Variants in NDUFAF2 observed in about 807,000 individuals in gnomAD.
NDUFAF2 encodes the protein NADH dehydrogenase [ubiquinone] 1 alpha subcomplex assembly factor 2.
Under a neutral mutation model 22.8 loss-of-function variants are expected in NDUFAF2, and 13 were observed. That is an observed-to-expected ratio of 0.57 (90% CI 0.37 to 0.91). NDUFAF2 has a LOEUF of 0.91. NDUFAF2 is among the 40% of genes least tolerant of loss of function. The pLI, the probability that NDUFAF2 is intolerant of heterozygous loss-of-function variation, is 0.01. For synonymous variants in NDUFAF2, 53 were observed against 64.2 expected (o/e 0.83, Z 0.84); for missense variants, 162 against 195.2 (o/e 0.83, Z 1.01).
chr5:61,079,370 C>T (rs758685152), intron 2 of NDUFAF2, among the ~76,000 whole-genome samples: 5 of 152,134 alleles, frequency 3.3e-5, no homozygotes, highest in Non-Finnish European at 4.4e-5. Context: ...TATGTTATAT[C>T]CATGTTCTGC....
chr5:61,043,673 GTA>G (rs1227670515), intron 1 of NDUFAF2, among the ~76,000 whole-genome samples: 17 of 141,974 alleles, frequency 1.2e-4, no homozygotes, highest in African/African-American at 5.7e-5. Context: ...TTTGAAAGCT[GTA>G]TATATGTGTG....
intron 3 of NDUFAF2, among the ~76,000 whole-genome samples, chr5:61,107,044 TATACACACACACAC>T (rs1197947863): frequency 3.1e-5 from 2 of 64,802 alleles, no homozygotes; most frequent in East Asian, 7.1e-4. Context: ...TTTGGATAAA[TATACACACACACAC>T]ACACACACAC....
At chr5:61,088,327 C>T (rs1752528735) in intron 2 of NDUFAF2, among the ~76,000 whole-genome samples, 1 of 152,030 alleles carries the variant, frequency 6.6e-6, no homozygotes, top group Non-Finnish European at 1.5e-5. Flanking sequence ...AATTAGAATT[C>T]ATGGGTCCTA....
chr5:60,982,927 G>A (rs1751007501), intron 1 of NDUFAF2, among the ~76,000 whole-genome samples: 3 of 152,072 alleles, frequency 2.0e-5, no homozygotes, highest in Middle Eastern at 3.4e-3. Flanking sequence ...TAATGGGATG[G>A]CTGGGTCAAA....
chr5:60,956,270 T>C (rs1161624549), intron 1 of NDUFAF2, among the ~76,000 whole-genome samples: 3 of 152,170 alleles, frequency 2.0e-5, no homozygotes, highest in Non-Finnish European at 2.9e-5. Flanking sequence ...TTTTTGTGTG[T>C]GGAATCTTTG....
intron 1 of NDUFAF2, among the ~76,000 whole-genome samples, chr5:60,957,947 C>T (rs1475628160): frequency 2.0e-5 from 3 of 152,164 alleles, no homozygotes; most frequent in Non-Finnish European, 4.4e-5. Flanking sequence ...CCTGTAGTAG[C>T]ACTAGTGGCA....
chr5:61,111,539 C>A (rs1406138569), intron 3 of NDUFAF2, among the ~76,000 whole-genome samples: 1 of 152,090 alleles, frequency 6.6e-6, no homozygotes, highest in African/African-American at 2.4e-5. Context: ...TAGGCTTAAG[C>A]GATCCTCCCA....
chr5:61,126,194 G>T (rs1464988687), intron 3 of NDUFAF2, among the ~76,000 whole-genome samples: 2 of 152,038 alleles, frequency 1.3e-5, no homozygotes, highest in East Asian at 1.9e-4. Flanking sequence ...AATGTATGAA[G>T]TTCTTGCTAT....
At chr5:61,098,709 A>C (rs1350675044) in intron 2 of NDUFAF2, among the ~76,000 whole-genome samples, 1 of 152,136 alleles carries the variant, frequency 6.6e-6, no homozygotes, top group Middle Eastern at 3.2e-3. Flanking sequence ...AGGAGGTATG[A>C]TTTTAAACAT....
rs143890387 is a variant in NDUFAF2 at position 61,020,823 on chromosome 5, G to A, written c.128-52302G>A. Among the ~76,000 whole-genome samples the A allele has an allele frequency of 8.3e-3, 1,259 of 152,204 alleles. 14 individuals carry two copies. The highest frequency in any genetic ancestry group is 0.029 in the African/African-American group (1,202 of 41,512). On this transcript the variant is annotated intron_variant, in intron 1 of 3. Coordinates refer to ENST00000296597, the MANE Select transcript of NDUFAF2 (RefSeq NM_174889.5). ...TGATTCTCCTGCCTCAGCCTCCTGA[G>A]TAGCTGGGATTACAGGTGTGTACCA...
intron 1 of NDUFAF2, among the ~76,000 whole-genome samples, chr5:61,069,551 A>T (rs1424564821): frequency 2.0e-5 from 3 of 152,158 alleles, no homozygotes; most frequent in Admixed American, 6.5e-5. Flanking sequence ...AATGCAAATC[A>T]CTGTAAAGAA....
At chr5:61,106,768 G>A (rs1752769561) in intron 3 of NDUFAF2, among the ~76,000 whole-genome samples, 2 of 150,604 alleles carry the variant, frequency 1.3e-5, no homozygotes, top group African/African-American at 2.5e-5. Flanking sequence ...CCACAAATGA[G>A]TGAGAACATG....
intron 1 of NDUFAF2, among the ~76,000 whole-genome samples, chr5:60,965,829 G>A (rs1441520224): frequency 1.3e-5 from 2 of 152,108 alleles, no homozygotes; most frequent in South Asian, 2.1e-4. Context: ...CAGTGAACAT[G>A]GGAGTGCAGA....
intron 1 of NDUFAF2, among the ~76,000 whole-genome samples, chr5:61,056,926 ATATATAT>A (rs1561553156): frequency 0.11 from 3,455 of 30,682 alleles, 211 homozygotes; most frequent in Non-Finnish European, 0.16. Flanking sequence ...AAAAATATAT[ATATATAT>A]ATATATATAT....
rs369494304 is a variant in NDUFAF2 at position 61,078,160 on chromosome 5, A to G, written c.217+4946A>G. ...CTCCAATCATGACATTTAACACACTATAGGGGGTTCCTTGTTTACTTATCT... is the reference window on the plus strand; with the variant it reads ...CTCCAATCATGACATTTAACACACTGTAGGGGGTTCCTTGTTTACTTATCT... On this transcript the variant is annotated intron_variant, in intron 2 of 3. Transcript: ENST00000296597. Among the ~76,000 whole-genome samples the G allele has an allele frequency of 4.6e-5, 7 of 152,112 alleles. No homozygotes were observed. The East Asian group carries it at 1.2e-3, about 25-fold the overall frequency.
intron 3 of NDUFAF2, among the ~76,000 whole-genome samples, chr5:61,141,311 A>G (rs1741053762): frequency 6.6e-6 from 1 of 152,160 alleles, no homozygotes; most frequent in East Asian, 1.9e-4. Context: ...TCTTTGTTTT[A>G]TATGATTGCA....
At chr5:61,055,678 T>A (rs1752078902) in intron 1 of NDUFAF2, among the ~76,000 whole-genome samples, 1 of 152,170 alleles carries the variant, frequency 6.6e-6, no homozygotes. Context: ...GGAAAGTATA[T>A]GCCAAGTGGT....
intron 1 of NDUFAF2, among the ~76,000 whole-genome samples, chr5:61,016,784 T>G (rs1296261896): frequency 6.6e-6 from 1 of 152,198 alleles, no homozygotes; most frequent in African/African-American, 2.4e-5. Flanking sequence ...TCAACATGGC[T>G]TATAAATCTC....
intron 1 of NDUFAF2, among the ~76,000 whole-genome samples, chr5:60,999,792 C>T (rs1057355720): frequency 2.6e-5 from 4 of 152,032 alleles, no homozygotes; most frequent in African/African-American, 9.7e-5. Flanking sequence ...TCTTTACATA[C>T]AGTATATTTT....
Sources: gnomAD v4.1 joint callset for allele counts (sites outside exome capture counted in the v4.1 genomes callset) on GRCh38, gnomAD v4.1.1 for gene constraint, MANE v1.5 for transcripts, NCBI Gene and HGNC (gene_info 2026-07-23, HGNC 2026-07-21) for gene names.